The following GRIK4 variants were observed in gnomAD, a reference collection of about 807,000 sequenced individuals.
The protein encoded by GRIK4 is glutamate receptor ionotropic, kainate 4.
GRIK4 carries 40 observed loss-of-function variants against 104.9 expected under a neutral mutation model. That is an observed-to-expected ratio of 0.38 (90% confidence interval 0.30 to 0.50). The LOEUF (loss-of-function observed/expected upper bound fraction) is 0.50, where lower values mean the gene tolerates loss of function less well. Among genes scored for constraint, GRIK4 ranks in the 20% least tolerant of loss-of-function variants. GRIK4 has a pLI of 0.93. For synonymous variants in GRIK4, 485 were observed against 524.9 expected, an observed-to-expected ratio of 0.92 and a Z score of 1.04; for missense variants, 1,047 against 1,308.1, an observed-to-expected ratio of 0.80 and a Z score of 3.08.
In GRIK4 at chr11:120,549,675, G is replaced by C. The variant is rs1948120661; in HGVS notation, c.-159+37788G>C. The stretch of plus-strand genomic sequence containing the variant: ...GCCTGGGACAAGACAAGCAGAGGCT[G>C]AGGGCGGGTCGTGGGCCCCTGGGAG... On this transcript the variant is annotated intron_variant, in intron 1 of 20. Transcript: ENST00000527524. The surrounding 1 kb of genome is among the most constrained non-coding windows in gnomAD (Gnocchi z 4.7). 6.6e-6 allele frequency among the ~76,000 whole-genome samples: 1 copy of C among 152,242 alleles called. No individual in the cohort carries two copies.
At chr11:120,684,692 A>G (rs1226040015) in intron 3 of GRIK4, among the ~76,000 whole-genome samples, 3 of 151,532 alleles carry the variant, frequency 2.0e-5, no homozygotes, top group African/African-American at 7.3e-5. Context: ...ACGGTGATTC[A>G]TCTTGGAGGA....
At chr11:120,829,789 G>A (rs1447252490) in intron 6 of GRIK4, among the ~76,000 whole-genome samples, 1 of 152,204 alleles carries the variant, frequency 6.6e-6, no homozygotes, top group East Asian at 1.9e-4. Flanking sequence ...ACTTAGCCAA[G>A]GAGGGCTGAC....
At chr11:120,601,276 C>G (rs1309024923) in intron 1 of GRIK4, among the ~76,000 whole-genome samples, 1 of 152,040 alleles carries the variant, frequency 6.6e-6, no homozygotes, top group African/African-American at 2.4e-5. Flanking sequence ...CTTTGTGGTG[C>G]ACGCCTGTAA....
Position 120,861,979 on chromosome 11 carries a change from G to T in GRIK4, c.765G>T (p.Met255Ile), listed in dbSNP as rs970721860. The change falls in exon 9 of 21, where the codon ATG (methionine) becomes ATT (isoleucine). Residue 255 changes from methionine to isoleucine, a missense_variant. Around this residue, in one of 3 missense-constraint regions of GRIK4, gnomAD observed 447 missense variants for 514.9 expected, o/e 0.87. Coordinates refer to ENST00000527524, the MANE Select transcript of GRIK4 (RefSeq NM_014619.5). ...FTNLEFSLQR[M>I]DSLVDDRVNI... ...TCCAGGAGTTCTCACTCCAGAGAAT[G>T]GACAGCCTTGTGGATGATCGTGTCA... The T allele has an allele frequency of 6.2e-7, 1 of 1,613,702 alleles. No individual in the cohort carries two copies. The highest frequency in any genetic ancestry group is 8.5e-7 in the Non-Finnish European group (1 of 1,179,626).
chr11:120,530,013 A>T (rs1158350298), intron 1 of GRIK4, among the ~76,000 whole-genome samples: 1 of 152,202 alleles, frequency 6.6e-6, no homozygotes, highest in Non-Finnish European at 1.5e-5. Context: ...CTGGTGGCTC[A>T]GTGGCCTGCT....
chr11:120,897,975 G>A (rs962444358), intron 11 of GRIK4, among the ~76,000 whole-genome samples: 2 of 152,028 alleles, frequency 1.3e-5, no homozygotes, highest in African/African-American at 4.8e-5. Flanking sequence ...TGGGGAAACT[G>A]GGGTTCTGAA....
chr11:120,513,864 G>A lies in GRIK4; in HGVS notation c.-159+1977G>A, dbSNP rs1316467147. On this transcript the variant is annotated intron_variant, in intron 1 of 20. Coordinates refer to ENST00000527524, the MANE Select transcript of GRIK4 (RefSeq NM_014619.5). The surrounding 1 kb of genome is among the most constrained non-coding windows in gnomAD (Gnocchi z 4.5). ...CCCTACCTGGGCATCTTGATCGGTG[G>A]CTGCTGTCTTCCCCAGCAATGAAAA... Among the ~76,000 whole-genome samples the A allele has an allele frequency of 6.6e-6, 1 of 152,176 alleles. No homozygotes were observed. The highest frequency in any genetic ancestry group is 1.5e-5 in the Non-Finnish European group (1 of 68,046).
At chr11:120,698,634 C>T (rs1950496482) in intron 3 of GRIK4, among the ~76,000 whole-genome samples, 1 of 152,204 alleles carries the variant, frequency 6.6e-6, no homozygotes, top group Non-Finnish European at 1.5e-5. Flanking sequence ...ATTTTGCCTC[C>T]ATCATGCCAT....
At position 120,879,141 on chromosome 11, in the gene GRIK4, G is replaced by A. The variant is rs185418604; in HGVS notation, c.1164+3898G>A. Among the ~76,000 whole-genome samples, 400 of 152,294 alleles carry A rather than the reference G, an allele frequency of 2.6e-3. 1 individual carries two copies. The highest frequency in any genetic ancestry group is 0.012 in the South Asian group (60 of 4,814). The stretch of plus-strand genomic sequence containing the variant: ...TTAGCAAGGACTTCAGACAGAGCTG[G>A]AATTTATGCTCAGGCTTGTCCAATG... On this transcript the variant is annotated intron_variant, in intron 11 of 20. Coordinates refer to ENST00000527524, the MANE Select transcript of GRIK4 (RefSeq NM_014619.5).
At chr11:120,794,362 GAATT>G (rs907521534) in intron 3 of GRIK4, among the ~76,000 whole-genome samples, 10 of 151,964 alleles carry the variant, frequency 6.6e-5, no homozygotes, top group Non-Finnish European at 1.5e-4. Context: ...GTGGTGTTAG[GAATT>G]TAGAGTCAGG....
At chr11:120,821,860 C>G (rs970567969) in intron 6 of GRIK4, among the ~76,000 whole-genome samples, 1 of 152,188 alleles carries the variant, frequency 6.6e-6, no homozygotes, top group East Asian at 1.9e-4. Context: ...AGCCTCTGTT[C>G]TCAAAGATGA....
intron 3 of GRIK4, among the ~76,000 whole-genome samples, chr11:120,760,601 C>T (rs1420443269): frequency 6.6e-6 from 1 of 152,012 alleles, no homozygotes; most frequent in Admixed American, 6.6e-5. Context: ...CACCTAGACT[C>T]CCAACCCCCG....
intron 13 of GRIK4, among the ~76,000 whole-genome samples, chr11:120,934,000 C>A (rs370659618): frequency 1.2e-4 from 18 of 151,922 alleles, no homozygotes; most frequent in African/African-American, 3.9e-4. Context: ...GTCAGGAGAT[C>A]GAGACCATCC....
At chr11:120,526,013 G>C (rs1204822196) in intron 1 of GRIK4, among the ~76,000 whole-genome samples, 1 of 152,164 alleles carries the variant, frequency 6.6e-6, no homozygotes, top group Non-Finnish European at 1.5e-5. Context: ...TTTTCAGTAC[G>C]TACTGTGTGA....
chr11:120,727,396 T>A (rs571494109), intron 3 of GRIK4, among the ~76,000 whole-genome samples: 1 of 152,256 alleles, frequency 6.6e-6, no homozygotes, highest in South Asian at 2.1e-4. Context: ...CCACCAGAAA[T>A]TTTTTTAAAC....
intron 4 of GRIK4, among the ~76,000 whole-genome samples, chr11:120,806,211 C>T (rs1434786605): frequency 6.6e-6 from 1 of 152,144 alleles, no homozygotes; most frequent in Non-Finnish European, 1.5e-5. Flanking sequence ...TTACCAGCCT[C>T]CCCCCTCTCT....
intron 9 of GRIK4, chr11:120,871,182 A>G: frequency 6.1e-6 from 1 of 162,914 alleles, no homozygotes; most frequent in Non-Finnish European, 1.3e-5. Flanking sequence ...TAAATAGCCA[A>G]ACAGAAGGAT....
At chr11:120,648,096 G>A (rs1345472405) in intron 1 of GRIK4, among the ~76,000 whole-genome samples, 1 of 152,222 alleles carries the variant, frequency 6.6e-6, no homozygotes, top group Non-Finnish European at 1.5e-5. Flanking sequence ...TTGAGAGCAG[G>A]GATGACCCAC....
rs71050753 is a variant in GRIK4 at position 120,658,727 on chromosome 11, C to CTTTTTTTT, written c.-50-1510_-50-1503dup. Among the ~76,000 whole-genome samples, 5 of 56,744 alleles carry CTTTTTTTT rather than the reference C, an allele frequency of 8.8e-5. 2 individuals are homozygous for CTTTTTTTT. The highest frequency in any genetic ancestry group is 1.5e-4 in the Non-Finnish European group (4 of 26,020). 37.2% of individuals were successfully genotyped at this position (56,744 alleles called of 152,430 possible). On this transcript the variant is annotated intron_variant, in intron 2 of 20. Coordinates refer to ENST00000527524, the MANE Select transcript of GRIK4 (RefSeq NM_014619.5). The stretch of plus-strand genomic sequence containing the variant: ...TCTGTCTAGGGGTTGGAGGACGAAA[C>CTTTTTTTT]TTTTTTTTTTTTTTTTTTTTTTTTT...
Sources: gnomAD v4.1 joint callset for allele counts (sites outside exome capture counted in the v4.1 genomes callset) on GRCh38, gnomAD v4.1.1 for gene constraint, gnomAD v4.1.1 regional missense constraint, Gnocchi (gnomAD v3.1) non-coding constraint, MANE v1.5 for transcripts, NCBI Gene and HGNC (gene_info 2026-07-23, HGNC 2026-07-21) for gene names.